ANKRD11: variants seen among roughly 807,000 people sequenced by gnomAD.
ANKRD11 encodes the protein ankyrin repeat domain 11.
In ANKRD11, 17 loss-of-function variants were observed where a neutral mutation model predicts 195.7. That is an observed-to-expected ratio of 0.09 (90% CI 0.06 to 0.13). The LOEUF is 0.13. Ranked by LOEUF, ANKRD11 falls within the 10% of genes least tolerant of loss-of-function variation. The pLI, the probability that ANKRD11 is intolerant of heterozygous loss-of-function variation, is 1.00. For synonymous variants in ANKRD11, 1,953 were observed against 1,528.1 expected (o/e 1.28, Z -6.49); for missense variants, 3,735 against 3,566.1 (o/e 1.05, Z -1.21).
chr16:89,321,656 G>A (rs1470884398), intron 2 of ANKRD11, among the ~76,000 whole-genome samples: 3 of 151,912 alleles, frequency 2.0e-5, no homozygotes, highest in Non-Finnish European at 2.9e-5. Flanking sequence ...GAGAAGGACC[G>A]TATAAGAAAA....
chr16:89,477,194 C>CTT (rs398030125), intron 1 of ANKRD11, among the ~76,000 whole-genome samples: 47 of 142,366 alleles, frequency 3.3e-4, no homozygotes, highest in Middle Eastern at 7.2e-3. Context: ...GTCATTTCCC[C>CTT]TTTTTTTTTT....
At chr16:89,453,706 T>C (rs2056295717) in intron 1 of ANKRD11, among the ~76,000 whole-genome samples, 1 of 152,218 alleles carries the variant, frequency 6.6e-6, no homozygotes, top group South Asian at 2.1e-4. Flanking sequence ...CAATGTGATG[T>C]GCTGAAGACA....
chr16:89,337,456 T>TTTTTTTTTTTTTTG (rs1597698668), intron 2 of ANKRD11, among the ~76,000 whole-genome samples: 1 of 142,010 alleles, frequency 7.0e-6, no homozygotes, highest in East Asian at 2.1e-4. Flanking sequence ...TTTTTTTTTT[T>TTTTTTTTTTTTTTG]GAGACAGTCT....
intron 2 of ANKRD11, among the ~76,000 whole-genome samples, chr16:89,387,751 C>A (rs1291595977): frequency 6.7e-6 from 1 of 150,076 alleles, no homozygotes; most frequent in Non-Finnish European, 1.5e-5. Flanking sequence ...GCCTGTAATC[C>A]CAACACTTTG....
intron 2 of ANKRD11, among the ~76,000 whole-genome samples, chr16:89,338,278 ATGTGGG>A (rs2038478175): frequency 6.6e-6 from 1 of 152,026 alleles, no homozygotes; most frequent in Non-Finnish European, 1.5e-5. Flanking sequence ...GTCCTCCAGG[ATGTGGG>A]TCTCTGTTAG....
At chr16:89,473,638 ACT>A (rs1426945327) in intron 1 of ANKRD11, among the ~76,000 whole-genome samples, 2 of 152,224 alleles carry the variant, frequency 1.3e-5, no homozygotes, top group Non-Finnish European at 2.9e-5. Flanking sequence ...TCTCCCACAG[ACT>A]GATACGTCAT....
chr16:89,438,138 C>T (rs893412977), intron 1 of ANKRD11, among the ~76,000 whole-genome samples: 11 of 152,172 alleles, frequency 7.2e-5, no homozygotes, highest in Non-Finnish European at 1.3e-4. Context: ...GTCCACGAAC[C>T]GCGTGCGCAG....
chr16:89,409,630 A>G (rs944828413), intron 2 of ANKRD11, among the ~76,000 whole-genome samples: 2 of 152,218 alleles, frequency 1.3e-5, no homozygotes, highest in Non-Finnish European at 1.5e-5. Flanking sequence ...TCTGAGCAAC[A>G]TAGCAAGATC....
chr16:89,482,878 G>C (rs1343322232), intron 1 of ANKRD11, among the ~76,000 whole-genome samples: 1 of 152,232 alleles, frequency 6.6e-6, no homozygotes, highest in Non-Finnish European at 1.5e-5. Context: ...AATGCAGGCA[G>C]CCTCTGGAAC....
intron 12 of ANKRD11, chr16:89,269,801 G>C (rs1241674230): frequency 1.3e-5 from 2 of 151,992 alleles, no homozygotes; most frequent in Non-Finnish European, 2.9e-5. Flanking sequence ...TCACCATGTT[G>C]GCCAGGCTGG....
chr16:89,384,417 G>A (rs1050495612), intron 2 of ANKRD11, among the ~76,000 whole-genome samples: 2 of 152,060 alleles, frequency 1.3e-5, no homozygotes, highest in Non-Finnish European at 2.9e-5. Context: ...TGTAATCCCA[G>A]CTATGTGGGG....
At chr16:89,428,689 T>A (rs901567298) in intron 1 of ANKRD11, among the ~76,000 whole-genome samples, 1 of 149,824 alleles carries the variant, frequency 6.7e-6, no homozygotes, top group East Asian at 2.0e-4. Flanking sequence ...AAGTCAGGAG[T>A]TCGAGACCAG....
intron 2 of ANKRD11, among the ~76,000 whole-genome samples, chr16:89,415,095 G>A (rs1019577770): frequency 5.9e-5 from 9 of 151,700 alleles, no homozygotes; most frequent in African/African-American, 1.9e-4. Flanking sequence ...GACCACAGGC[G>A]CATGCATGCC....
intron 1 of ANKRD11, among the ~76,000 whole-genome samples, chr16:89,456,885 G>A (rs1440630872): frequency 6.6e-6 from 1 of 151,716 alleles, no homozygotes. Context: ...GCACAAAGTT[G>A]TAAATGTGCT....
chr16:89,449,802 G>T (rs1015429464), intron 1 of ANKRD11, among the ~76,000 whole-genome samples: 8 of 152,042 alleles, frequency 5.3e-5, no homozygotes, highest in African/African-American at 9.7e-5. Flanking sequence ...TCAAAAAAAA[G>T]AAAAGTGTGC....
intron 11 of ANKRD11, chr16:89,271,385 G>C (rs1360257181): frequency 4.0e-6 from 1 of 248,136 alleles, no homozygotes; most frequent in Non-Finnish European, 8.0e-6. Flanking sequence ...ATTACAGGCA[G>C]CCACCACGCC....
intron 2 of ANKRD11, among the ~76,000 whole-genome samples, chr16:89,410,985 C>T (rs961745535): frequency 6.6e-6 from 1 of 152,210 alleles, no homozygotes; most frequent in Non-Finnish European, 1.5e-5. Flanking sequence ...CCTCCACAGG[C>T]GCTTTCCTGA....
At chr16:89,405,615 T>C (rs1051872758) in intron 2 of ANKRD11, among the ~76,000 whole-genome samples, 10 of 151,786 alleles carry the variant, frequency 6.6e-5, no homozygotes, top group African/African-American at 2.4e-4. Flanking sequence ...ATTACAGGCC[T>C]GAGCCGCCAT....
At chr16:89,468,356 A>G (rs562321394) in intron 1 of ANKRD11, among the ~76,000 whole-genome samples, 2 of 152,188 alleles carry the variant, frequency 1.3e-5, no homozygotes, top group South Asian at 4.1e-4. Context: ...GGGAAAGTCT[A>G]TTTTGCACCC....
Sources: allele counts gnomAD v4.1 joint callset (sites outside exome capture counted in the v4.1 genomes callset), GRCh38; gene constraint gnomAD v4.1.1; transcripts MANE v1.5; gene names NCBI Gene and HGNC (gene_info 2026-07-23, HGNC 2026-07-21).